GLRA2: variants seen among roughly 807,000 people sequenced by gnomAD.
The protein encoded by GLRA2 is glycine receptor subunit alpha-2.
A neutral mutation model predicts 31.6 loss-of-function variants in GLRA2; 11 were observed. The observed-to-expected ratio is 0.35, with a 90% CI of 0.22 to 0.58. The LOEUF (loss-of-function observed/expected upper bound fraction) is 0.58. GLRA2 is among the 20% of genes least tolerant of loss of function. The pLI is 0.84. For missense variants in GLRA2, 212 were observed against 351.8 expected (o/e 0.60, Z 3.18); for synonymous variants, 132 against 134.0 (o/e 0.99, Z 0.10).
At chrX:14,696,033 A>G (rs1161056426) in intron 8 of GLRA2, among the ~76,000 whole-genome samples, 2 of 110,519 alleles carry the variant, frequency 1.8e-5, no homozygotes, top group Non-Finnish European at 3.8e-5. Context: ...GATAACAGGT[A>G]CTTCGGTTTA....
chrX:14,660,897 G>A (rs913192669), intron 7 of GLRA2, among the ~76,000 whole-genome samples: 12 of 112,206 alleles, frequency 1.1e-4, no homozygotes, highest in African/African-American at 3.2e-4. Context: ...ATTTGATATA[G>A]GAGTGTGGAG....
chrX:14,707,233 C>T (rs1020415859), intron 8 of GLRA2, among the ~76,000 whole-genome samples: 5 of 111,348 alleles, frequency 4.5e-5, no homozygotes, highest in African/African-American at 1.3e-4. Flanking sequence ...ATGCTTAGGG[C>T]CAGGAGTCCA....
chrX:14,513,129 C>G, the GLRA2 span, among the ~76,000 whole-genome samples: 1 of 111,496 alleles, frequency 9.0e-6, no homozygotes, highest in African/African-American at 3.3e-5. Flanking sequence ...GCCAACTGAT[C>G]TTCAACAAAG....
In GLRA2 at chrX:14,690,767, G is replaced by A; in HGVS notation, c.988G>A (p.Ala330Thr). The change falls in exon 8 of 9, where the codon GCT (alanine) becomes ACT (threonine). Residue 330 changes from alanine (A) to threonine (T), a missense_variant. Physicochemically the swap from Ala to Thr is moderately conservative, Grantham distance 58. Around this residue, in one of 5 missense-constraint regions of GLRA2, gnomAD observed 110 missense variants for 232.6 expected, o/e 0.47. Transcript: ENST00000218075. ...WMAVCLLFVF[A>T]ALLEYAAVNF... ...GGCGGTGTGCCTTCTGTTTGTGTTT[G>A]CTGCCTTACTGGAATACGCAGCGGT... 8.3e-7 allele frequency: 1 copy of A among 1,205,819 alleles called. No individual in the cohort carries two copies. Among genetic ancestry groups the A allele is most frequent in the South Asian group, 1.8e-5 (1 of 56,754 alleles).
intron 7 of GLRA2, among the ~76,000 whole-genome samples, chrX:14,683,650 G>A (rs1162780746): frequency 2.7e-5 from 3 of 111,495 alleles, no homozygotes; most frequent in Non-Finnish European, 5.6e-5. Context: ...GTATTGCCTA[G>A]GTTTCCTTCT....
intron 3 of GLRA2, among the ~76,000 whole-genome samples, 194 bp from the exon 4 acceptor site, chrX:14,580,989 A>T (rs1459138577): frequency 8.9e-6 from 1 of 111,759 alleles, no homozygotes; most frequent in Non-Finnish European, 1.9e-5. Context: ...GGTTTGGTTG[A>T]ATCTTCCTTT....
At chrX:14,613,581 G>C (rs2090424587) in intron 7 of GLRA2, among the ~76,000 whole-genome samples, 1 of 111,662 alleles carries the variant, frequency 9.0e-6, no homozygotes, top group Non-Finnish European at 1.9e-5. Context: ...AAAGTATATG[G>C]GAGGATGTGC....
the GLRA2 span, among the ~76,000 whole-genome samples, chrX:14,514,210 G>A: frequency 9.1e-6 from 1 of 109,676 alleles, no homozygotes; most frequent in Non-Finnish European, 1.9e-5. Context: ...CTATGAGGAT[G>A]CAAAGGCTTA....
chrX:14,653,876 G>A (rs1308144397), intron 7 of GLRA2, among the ~76,000 whole-genome samples: 3 of 112,338 alleles, frequency 2.7e-5, no homozygotes, highest in Non-Finnish European at 5.6e-5. Flanking sequence ...TGTAATCCCA[G>A]CGAATTGGGA....
intron 7 of GLRA2, among the ~76,000 whole-genome samples, chrX:14,669,124 A>T (rs62586502): frequency 2.7e-5 from 3 of 111,781 alleles, no homozygotes; most frequent in Non-Finnish European, 5.7e-5. Context: ...TGCAAGTCCA[A>T]AATTCAGCAG....
intron 4 of GLRA2, among the ~76,000 whole-genome samples, chrX:14,593,367 A>G (rs944016401): frequency 4.5e-5 from 5 of 112,316 alleles, no homozygotes; most frequent in Non-Finnish European, 7.5e-5. Context: ...TATTAATACA[A>G]TTATGTGAAG....
intron 7 of GLRA2, among the ~76,000 whole-genome samples, chrX:14,683,180 G>A (rs185385050): frequency 4.1e-4 from 46 of 111,859 alleles, no homozygotes; most frequent in African/African-American, 9.7e-4. Context: ...GTGTAAAAGT[G>A]TTCCTATTTC....
At chrX:14,611,772 G>A (rs2090400437) in intron 7 of GLRA2, among the ~76,000 whole-genome samples, 1 of 111,707 alleles carries the variant, frequency 9.0e-6, no homozygotes, top group Admixed American at 9.5e-5. Flanking sequence ...AACAGTATGT[G>A]GCTTAGACTA....
chrX:14,538,239 C>T (rs1190660236), intron 2 of GLRA2, among the ~76,000 whole-genome samples: 2 of 111,034 alleles, frequency 1.8e-5, no homozygotes, highest in Non-Finnish European at 3.8e-5. Flanking sequence ...AAGATGTCTT[C>T]ACCTATCTGT....
At chrX:14,572,463 G>A (rs2089897192) in intron 2 of GLRA2, among the ~76,000 whole-genome samples, 1 of 112,161 alleles carries the variant, frequency 8.9e-6, no homozygotes, top group African/African-American at 3.2e-5. Context: ...CTTGTGACTT[G>A]CCTCTGCCTT....
the GLRA2 span, among the ~76,000 whole-genome samples, chrX:14,507,108 G>A: frequency 1.8e-5 from 2 of 111,742 alleles, no homozygotes; most frequent in African/African-American, 6.5e-5. Flanking sequence ...TGCCCAACTA[G>A]ATTTTCCTGG....
intron 3 of GLRA2, among the ~76,000 whole-genome samples, chrX:14,577,713 G>A (rs1349721258): frequency 1.8e-5 from 2 of 111,054 alleles, no homozygotes; most frequent in East Asian, 5.7e-4. Flanking sequence ...CCACCCAAAG[G>A]CCCCGCTTCT....
the GLRA2 span, among the ~76,000 whole-genome samples, chrX:14,482,876 ATAT>A: frequency 1.8e-5 from 2 of 110,824 alleles, no homozygotes; most frequent in South Asian, 3.8e-4. Context: ...TGTAAGTTAG[ATAT>A]TATTATTATT....
At chrX:14,565,938 A>G (rs2089799686) in intron 2 of GLRA2, among the ~76,000 whole-genome samples, 2 of 111,781 alleles carry the variant, frequency 1.8e-5, no homozygotes, top group Admixed American at 1.9e-4. Flanking sequence ...AGCAAACTAA[A>G]CCCAAAGTTA....
Sources: allele counts gnomAD v4.1 joint callset (sites outside exome capture counted in the v4.1 genomes callset), GRCh38; gene constraint gnomAD v4.1.1; regional missense constraint gnomAD v4.1.1; transcripts MANE v1.5; gene names NCBI Gene and HGNC (gene_info 2026-07-23, HGNC 2026-07-21).